The following ACOT7 variants were observed in gnomAD, a reference collection of about 807,000 sequenced individuals.
ACOT7 encodes cytosolic acyl coenzyme A thioester hydrolase.
ACOT7 carries 12 observed loss-of-function variants against 40.2 expected under a neutral mutation model. The observed-to-expected ratio is 0.30, with a 90% confidence interval of 0.19 to 0.48. The LOEUF is 0.48. ACOT7 is among the 20% of genes least tolerant of loss of function. The pLI is 0.99. For synonymous variants in ACOT7, 228 were observed against 219.5 expected (o/e 1.04, Z -0.34); for missense variants, 395 against 530.8 (o/e 0.74, Z 2.51).
chr1:6,295,164 A>T, intron 6 of ACOT7, 184 bp from the exon 7 acceptor site: 474 of 389,704 alleles, frequency 1.2e-3, no homozygotes, highest in Middle Eastern at 2.2e-3. Flanking sequence ...GGGCTTCCTC[A>T]GGAGATTTTG....
At chr1:6,291,318 G>A (rs1639657611) in intron 7 of ACOT7, among the ~76,000 whole-genome samples, 1 of 152,072 alleles carries the variant, frequency 6.6e-6, no homozygotes, top group Non-Finnish European at 1.5e-5. Context: ...GACACACAGA[G>A]GAAGAGGCCT....
At chr1:6,303,649 T>C (rs1265369345) in intron 6 of ACOT7, among the ~76,000 whole-genome samples, 1 of 152,186 alleles carries the variant, frequency 6.6e-6, no homozygotes, top group Non-Finnish European at 1.5e-5. Flanking sequence ...GCCGGCCTCC[T>C]ATATTAAGAA....
intron 5 of ACOT7, among the ~76,000 whole-genome samples, chr1:6,323,253 T>C (rs1006950714): frequency 6.6e-6 from 1 of 152,224 alleles, no homozygotes; most frequent in Admixed American, 6.5e-5. Context: ...ATTACTTGCC[T>C]AAGGCCAGAC....
chr1:6,307,089 C>T (rs1640176731), intron 6 of ACOT7, among the ~76,000 whole-genome samples: 1 of 152,218 alleles, frequency 6.6e-6, no homozygotes, highest in Non-Finnish European at 1.5e-5. Flanking sequence ...AGCAGCTAGA[C>T]ACCTGCATGG....
At position 6,323,973 on chromosome 1, in the gene ACOT7, C is replaced by A. The variant is rs189399118; in HGVS notation, c.625+3326G>T. Among the ~76,000 whole-genome samples, 142 of 151,928 alleles carry A rather than the reference C, an allele frequency of 9.3e-4. 2 individuals carry two copies. The highest frequency in any genetic ancestry group is 6.8e-3 in the Middle Eastern group (2 of 294). ...CAAGATGGCCTCTCCAGGGCAGAGA[C>A]GGAGGGTCCTCCCACGGGATGGGAT... is the stretch of plus-strand genomic sequence containing the variant. On this transcript the variant is annotated intron_variant, in intron 5 of 8. Coordinates refer to ENST00000361521, the MANE Select transcript of ACOT7 (RefSeq NM_007274.4).
chr1:6,328,410 C>T (rs1640864233), intron 4 of ACOT7, among the ~76,000 whole-genome samples: 1 of 152,118 alleles, frequency 6.6e-6, no homozygotes, highest in African/African-American at 2.4e-5. Context: ...CCTGTAATCC[C>T]AGCAATTTGG....
chr1:6,323,735 AAAATAT>A (rs1355023234), intron 5 of ACOT7, among the ~76,000 whole-genome samples: 37 of 53,988 alleles, frequency 6.9e-4, no homozygotes, highest in African/African-American at 1.7e-3. Context: ...AAAAAAAAAA[AAAATAT>A]ATATATATAT....
intron 7 of ACOT7, 76 bp from the exon 8 acceptor site, chr1:6,281,362 T>G: frequency 1.5e-6 from 2 of 1,360,608 alleles, no homozygotes; most frequent in Non-Finnish European, 2.1e-6. Context: ...GTTTCTGTGG[T>G]CAGCAGGCAG....
At position 6,279,260 on chromosome 1, in the gene ACOT7, G is replaced by A. The variant is rs575077436; in HGVS notation, c.1014+1842C>T. Among the ~76,000 whole-genome samples, 42 of 152,324 alleles carry A rather than the reference G, an allele frequency of 2.8e-4. No individual in the cohort carries two copies. In the South Asian group the frequency reaches 8.1e-3, roughly 29 times the overall value. The stretch of plus-strand genomic sequence containing the variant: ...GGAACGACTGCGGACCAGCCCAGGC[G>A]ACGTGGAGGGAGGACACCATCCTGC... On this transcript the variant is annotated intron_variant, in intron 8 of 8. Coordinates refer to ENST00000361521, the MANE Select transcript of ACOT7 (RefSeq NM_007274.4).
chr1:6,360,384 G>A (rs939640112), intron 1 of ACOT7, among the ~76,000 whole-genome samples: 3 of 152,182 alleles, frequency 2.0e-5, no homozygotes, highest in Admixed American at 6.5e-5. Context: ...GCCCAGGCCC[G>A]GGCCATCAGC....
rs568220211 is a variant in ACOT7 at position 6,307,889 on chromosome 1, C to T, written c.712+10603G>A. ...ACAGGCAGAGGGAACCACAACCAGA[C>T]AGAGGGAACTACAACTGGGCAGAGG... On this transcript the variant is annotated intron_variant, in intron 6 of 8. Transcript: ENST00000361521. 4.8e-5 allele frequency among the ~76,000 whole-genome samples: 7 copies of T among 147,274 alleles called. No individual in the cohort carries two copies. In the South Asian group the frequency reaches 1.5e-3, roughly 32 times the overall value.
chr1:6,361,734 T>C (rs1571343185), intron 1 of ACOT7, among the ~76,000 whole-genome samples: 1 of 151,964 alleles, frequency 6.6e-6, no homozygotes, highest in African/African-American at 2.4e-5. Context: ...GAGGCGGAGG[T>C]TGCAGTGAGC....
At chr1:6,267,197 G>A (rs1013900267) in intron 8 of ACOT7, among the ~76,000 whole-genome samples, 74 of 152,344 alleles carry the variant, frequency 4.9e-4, no homozygotes, top group African/African-American at 1.4e-3. Context: ...AGCCAGGTCC[G>A]GCCTGAGGAG....
intron 2 of ACOT7, among the ~76,000 whole-genome samples, chr1:6,349,339 C>T (rs1557662531): frequency 1.3e-5 from 2 of 152,182 alleles, no homozygotes; most frequent in Non-Finnish European, 2.9e-5. Context: ...GCCATGGCCA[C>T]CAGGGTTGGT....
chr1:6,314,344 C>T (rs1640423780), intron 6 of ACOT7, among the ~76,000 whole-genome samples: 1 of 151,938 alleles, frequency 6.6e-6, no homozygotes, highest in South Asian at 2.1e-4. Context: ...AAGAGAGACC[C>T]ACAAGCCCTC....
At chr1:6,379,186 G>A (rs1021367375) in intron 1 of ACOT7, among the ~76,000 whole-genome samples, 5 of 151,646 alleles carry the variant, frequency 3.3e-5, no homozygotes, top group African/African-American at 7.2e-5. Context: ...GAGCCACTGC[G>A]CTCAGCCTGC....
chr1:6,276,997 C>G (rs144604168), intron 8 of ACOT7, among the ~76,000 whole-genome samples: 104 of 152,240 alleles, frequency 6.8e-4, no homozygotes, highest in Non-Finnish European at 1.0e-3. Flanking sequence ...ACCACCCCCC[C>G]CCAGGGTATG....
chr1:6,357,247 A>C (rs1641771019), intron 1 of ACOT7, among the ~76,000 whole-genome samples: 1 of 152,238 alleles, frequency 6.6e-6, no homozygotes, highest in South Asian at 2.1e-4. Flanking sequence ...CAAAAAAAAA[A>C]AAAGTCAGTG....
At position 6,333,588 on chromosome 1, in the gene ACOT7, A is replaced by G; in HGVS notation, c.419-20T>C. On this transcript the variant is annotated intron_variant, in intron 3 of 8. Coordinates refer to ENST00000361521, the MANE Select transcript of ACOT7 (RefSeq NM_007274.4). ...TGGCACCTTAAGAGAAGAAAATCAC[A>G]TTAAGTGACGCCCGGGAGACGGGGT... 1 of 1,612,628 alleles carries G rather than the reference A, an allele frequency of 6.2e-7. No homozygotes were observed. The highest frequency in any genetic ancestry group is 1.7e-4 in the Middle Eastern group (1 of 6,060).
Sources: gnomAD v4.1 joint callset for allele counts (sites outside exome capture counted in the v4.1 genomes callset) on GRCh38, gnomAD v4.1.1 for gene constraint, MANE v1.5 for transcripts, NCBI Gene and HGNC (gene_info 2026-07-23, HGNC 2026-07-21) for gene names.